Variants in UNKL observed in about 807,000 individuals in gnomAD.
UNKL encodes the protein unk like zinc finger, also known as putative E3 ubiquitin-protein ligase UNKL.
Under a neutral mutation model 78.0 loss-of-function variants are expected in UNKL, and 60 were observed. The ratio of observed to expected loss-of-function variants is 0.77; its 90% confidence interval spans 0.63 to 0.95. UNKL has a LOEUF of 0.95. Among genes scored for constraint, UNKL ranks in the 40% least tolerant of loss-of-function variants. The pLI is 0.00. For synonymous variants in UNKL, 608 were observed against 474.8 expected (o/e 1.28, Z -3.65); for missense variants, 1,159 against 1,045.7 (o/e 1.11, Z -1.49).
Position 1,399,242 on chromosome 16 carries a change from C to T in UNKL, c.734+132G>A, listed in dbSNP as rs1399134541. 13 of 1,388,344 alleles carry T rather than the reference C, an allele frequency of 9.4e-6. No homozygotes were observed. Among genetic ancestry groups the T allele is most frequent in the African/African-American group, 1.5e-5 (1 of 68,428 alleles). The allele number at this position is 1,388,344 out of a possible 1,614,324, so 86.0% of individuals were successfully genotyped here. On this transcript the variant is annotated intron_variant, in intron 5 of 14. Coordinates refer to ENST00000389221, the MANE Select transcript of UNKL (RefSeq NM_001372107.1). This position sits in a 1 kb window ranked among gnomAD's most constrained non-coding sequence, Gnocchi z 5.8. The stretch of plus-strand genomic sequence containing the variant: ...CCACAGCCACTGTGCTTGGAGATGC[C>T]CTCCCCTCCCGGGGATGATGGTGCC...
At chr16:1,371,447 C>G (rs1262579396) in intron 11 of UNKL, 72 bp downstream of exon 11, 6 of 1,465,764 alleles carry the variant, frequency 4.1e-6, no homozygotes, top group Non-Finnish European at 4.6e-6. Context: ...CGGGCTCAAG[C>G]GATCCTCCGG....
chr16:1,385,144 C>G, intron 10 of UNKL, 64 bp downstream of exon 10: 1 of 1,181,466 alleles, frequency 8.5e-7, no homozygotes, highest in South Asian at 3.9e-5. Flanking sequence ...AGCGCTGTCC[C>G]TGAAAAGCTA....
chr16:1,374,144 G>A (rs1328131412), intron 10 of UNKL, among the ~76,000 whole-genome samples: 4 of 142,258 alleles, frequency 2.8e-5, no homozygotes, highest in African/African-American at 1.1e-4. Flanking sequence ...GCAGCGTGGG[G>A]CACACCACAC....
intron 10 of UNKL, among the ~76,000 whole-genome samples, chr16:1,375,631 A>C (rs1426368144): frequency 6.6e-6 from 1 of 152,166 alleles, no homozygotes; most frequent in Non-Finnish European, 1.5e-5. Flanking sequence ...GGGACTTTCG[A>C]AGGTCTTATC....
At position 1,367,789 on chromosome 16, in the gene UNKL, A is replaced by G. The variant is rs747346579; in HGVS notation, c.1655T>C (p.Ile552Thr). The G allele has an allele frequency of 7.0e-6, 11 of 1,564,614 alleles. No individual in the cohort carries two copies. In the Admixed American group the frequency reaches 1.8e-4, roughly 26 times the overall value. ...AGAGGATGGGGGGCCGGCACTCAGG[A>G]TGGGGGAGGGGCTGGGGGAGAAGCT... The part of the protein sequence containing the change: ...SGSFSPSPSP[I>T]LSAGPPSSSS... The change falls in exon 13 of 15, where the codon ATC (isoleucine) becomes ACC (threonine). Residue 552 changes from isoleucine to threonine, a missense_variant. Ile to Thr is a moderately conservative substitution (Grantham distance 89, BLOSUM62 -1). Transcript: ENST00000389221.
intron 10 of UNKL, among the ~76,000 whole-genome samples, chr16:1,378,102 G>A (rs946950412): frequency 1.3e-5 from 2 of 152,128 alleles, no homozygotes; most frequent in Admixed American, 6.5e-5. Flanking sequence ...AGTAAGATCA[G>A]CCACACCAGT....
At chr16:1,367,971 C>T (rs536417795) in intron 12 of UNKL, 113 bp from the exon 13 acceptor site, 2 of 962,928 alleles carry the variant, frequency 2.1e-6, no homozygotes, top group African/African-American at 1.6e-5. Context: ...CTGGGGCTCA[C>T]CTGCCCTGGC....
chr16:1,368,462 C>T (rs1285791511), intron 12 of UNKL, among the ~76,000 whole-genome samples: 13 of 151,716 alleles, frequency 8.6e-5, no homozygotes, highest in Non-Finnish European at 1.5e-4. Flanking sequence ...ATTAGCCAGG[C>T]GTGGTGGCGG....
intron 2 of UNKL, among the ~76,000 whole-genome samples, chr16:1,412,908 G>A (rs2038105121): frequency 6.6e-6 from 1 of 151,982 alleles, no homozygotes; most frequent in Non-Finnish European, 1.5e-5. Flanking sequence ...CACAAAACAA[G>A]GCACTTGGCC....
At chr16:1,372,241 A>G (rs1049054141) in intron 10 of UNKL, among the ~76,000 whole-genome samples, 3 of 152,098 alleles carry the variant, frequency 2.0e-5, no homozygotes, top group Admixed American at 6.6e-5. Flanking sequence ...TCCAGCCTGG[A>G]CGACAGAGCA....
At chr16:1,370,753 A>G (rs1019446807) in intron 11 of UNKL, among the ~76,000 whole-genome samples, 1 of 152,228 alleles carries the variant, frequency 6.6e-6, no homozygotes, top group Non-Finnish European at 1.5e-5. Context: ...ATACACTTTT[A>G]GGCTGAATGA....
rs754068352 is a variant in UNKL, at chr16:1,367,366, G to A, written c.1789-17C>T. 53 of 1,529,330 alleles carry A rather than the reference G, an allele frequency of 3.5e-5. No homozygotes were observed. Among genetic ancestry groups the A allele is most frequent in the African/African-American group, 6.9e-5 (5 of 72,802 alleles). The allele number at this position is 1,529,330 out of a possible 1,614,324, so 94.7% of individuals were successfully genotyped here. On this transcript the variant is annotated splice_polypyrimidine_tract_variant and intron_variant, in intron 13 of 14. Transcript: ENST00000389221. ...ATCGCAGACCTGAAACCCAGGGCCC[G>A]TCTCAGCACCCCCCACCTCACCTGT... is the stretch of plus-strand genomic sequence containing the variant.
At chr16:1,371,845 C>T (rs909189217) in intron 10 of UNKL, among the ~76,000 whole-genome samples, 3 of 152,218 alleles carry the variant, frequency 2.0e-5, no homozygotes, top group Non-Finnish European at 4.4e-5. Context: ...GGTGGGACGC[C>T]CCGCACCACA....
intron 10 of UNKL, among the ~76,000 whole-genome samples, chr16:1,382,237 C>T (rs1176291686): frequency 6.6e-6 from 1 of 152,242 alleles, no homozygotes; most frequent in Non-Finnish European, 1.5e-5. Flanking sequence ...GAAGCCCTAA[C>T]AGGAGACATC....
intron 9 of UNKL, among the ~76,000 whole-genome samples, chr16:1,389,547 C>A (rs1481768775): frequency 6.6e-6 from 1 of 152,156 alleles, no homozygotes; most frequent in African/African-American, 2.4e-5. Flanking sequence ...CTGCACTACA[C>A]CTGGGTGACA....
intron 1 of UNKL, 66 bp from the exon 2 acceptor site, chr16:1,414,121 G>A (rs2038172046): frequency 2.7e-6 from 4 of 1,457,120 alleles, no homozygotes; most frequent in South Asian, 2.6e-5. Context: ...ACTCGTGGGC[G>A]GCGGGACCCA....
intron 2 of UNKL, among the ~76,000 whole-genome samples, chr16:1,410,296 C>T (rs2037980020): frequency 6.8e-6 from 1 of 146,316 alleles, no homozygotes; most frequent in Non-Finnish European, 1.5e-5. Flanking sequence ...GAAAAAGATG[C>T]TTTATCTTTA....
chr16:1,414,569 C>A, intron 1 of UNKL, 46 bp downstream of exon 1: 1 of 915,198 alleles, frequency 1.1e-6, no homozygotes, highest in Non-Finnish European at 1.3e-6. Flanking sequence ...AGGCTCCGAG[C>A]TGCACCGGGC....
At chr16:1,395,799 C>T (rs942338509) in intron 6 of UNKL, 1 of 455,822 alleles carries the variant, frequency 2.2e-6, no homozygotes, top group Non-Finnish European at 4.4e-6. Context: ...GGACACCGGA[C>T]TCCCGACAGG....
Sources: allele counts gnomAD v4.1 joint callset (sites outside exome capture counted in the v4.1 genomes callset), GRCh38; gene constraint gnomAD v4.1.1; non-coding constraint Gnocchi (gnomAD v3.1); transcripts MANE v1.5; gene names NCBI Gene and HGNC (gene_info 2026-07-23, HGNC 2026-07-21).